DNAH11: variants seen among roughly 807,000 people sequenced by gnomAD.
DNAH11 encodes the protein dynein axonemal heavy chain 11.
In DNAH11, 442 loss-of-function variants were observed where a neutral mutation model predicts 526.0. The ratio of observed to expected loss-of-function variants is 0.84; its 90% confidence interval spans 0.78 to 0.91. The LOEUF is 0.91. Ranked by LOEUF, DNAH11 falls within the 40% of genes least tolerant of loss-of-function variation. The probability of loss-of-function intolerance (pLI) is 0.00; values close to 1 mark genes in which losing one functional copy is unlikely to be tolerated. For synonymous variants in DNAH11, 2,461 were observed against 1,935.9 expected (o/e 1.27, Z -7.12); for missense variants, 6,989 against 5,448.7 (o/e 1.28, Z -8.90).
chr7:21,682,345 T>A (rs1272740888), intron 31 of DNAH11, among the ~76,000 whole-genome samples: 4 of 151,856 alleles, frequency 2.6e-5, no homozygotes, highest in Admixed American at 2.0e-4. Flanking sequence ...GCTAACATGG[T>A]GAAACCCCGT....
intron 25 of DNAH11, among the ~76,000 whole-genome samples, chr7:21,634,165 A>T (rs1437902835): frequency 6.6e-6 from 1 of 152,228 alleles, no homozygotes; most frequent in Non-Finnish European, 1.5e-5. Flanking sequence ...TTATTGGTTT[A>T]TTCAGTGTGA....
At chr7:21,570,006 A>T in intron 6 of DNAH11, 63 bp from the exon 7 acceptor site, 1 of 1,288,242 alleles carries the variant, frequency 7.8e-7, no homozygotes, top group Admixed American at 2.9e-5. Flanking sequence ...TGAAACAGAG[A>T]CGGTTACAGG....
chr7:21,626,622 T>A (rs1786347979), intron 25 of DNAH11, among the ~76,000 whole-genome samples: 2 of 152,130 alleles, frequency 1.3e-5, no homozygotes, highest in African/African-American at 4.8e-5. Flanking sequence ...CATTTTTGCC[T>A]ATCTTTCTGG....
intron 55 of DNAH11, among the ~76,000 whole-genome samples, chr7:21,768,397 A>G (rs1489052478): frequency 6.6e-6 from 1 of 152,250 alleles, no homozygotes; most frequent in African/African-American, 2.4e-5. Flanking sequence ...AAAATGAATC[A>G]TAGACATCTT....
intron 49 of DNAH11, among the ~76,000 whole-genome samples, chr7:21,744,134 G>T (rs1346988406): frequency 1.3e-5 from 2 of 152,130 alleles, no homozygotes; most frequent in Non-Finnish European, 1.5e-5. Flanking sequence ...CTCTGGTTTT[G>T]TAAACTTAGT....
At chr7:21,731,376 C>A (rs533948444) in intron 45 of DNAH11, among the ~76,000 whole-genome samples, 1 of 151,958 alleles carries the variant, frequency 6.6e-6, no homozygotes, top group Non-Finnish European at 1.5e-5. Flanking sequence ...ATGATCATGG[C>A]CATGTTGTTC....
At chr7:21,760,397 T>A (rs1459609231) in intron 54 of DNAH11, among the ~76,000 whole-genome samples, 1 of 152,078 alleles carries the variant, frequency 6.6e-6, no homozygotes, top group Non-Finnish European at 1.5e-5. Flanking sequence ...CCTTGGAAGG[T>A]TTCTTTGGGG....
chr7:21,780,158 C>T (rs2063911861), intron 57 of DNAH11, among the ~76,000 whole-genome samples: 1 of 151,942 alleles, frequency 6.6e-6, no homozygotes, highest in Non-Finnish European at 1.5e-5. Context: ...GAAGATAAGG[C>T]ACATTTGGCA....
At chr7:21,553,970 C>A (rs1050458029) in intron 2 of DNAH11, among the ~76,000 whole-genome samples, 1 of 152,026 alleles carries the variant, frequency 6.6e-6, no homozygotes, top group African/African-American at 2.4e-5. Flanking sequence ...AAGGCCTTGC[C>A]CTACTGGGTC....
chr7:21,821,291 T>C (rs1487402969), intron 65 of DNAH11, among the ~76,000 whole-genome samples: 1 of 152,082 alleles, frequency 6.6e-6, no homozygotes, highest in Non-Finnish European at 1.5e-5. Flanking sequence ...TAAAAAGCAG[T>C]TGGATATCTG....
chr7:21,599,766 C>A, intron 14 of DNAH11, 21 bp from the exon 15 acceptor site: 1 of 1,490,390 alleles, frequency 6.7e-7, no homozygotes, highest in Non-Finnish European at 9.0e-7. Context: ...TATTCATCCA[C>A]TAATACTTGT....
At chr7:21,591,088 A>G (rs1784658998) in intron 13 of DNAH11, 66 bp downstream of exon 13, 1 of 1,381,076 alleles carries the variant, frequency 7.2e-7, no homozygotes. Context: ...TTGAATTTTA[A>G]TTATTATATA....
Position 21,596,496 on chromosome 7 carries a change from A to T in DNAH11, c.2668-3291A>T, listed in dbSNP as rs528064891. 3.0e-4 allele frequency among the ~76,000 whole-genome samples: 46 copies of T among 152,344 alleles called. No homozygotes were observed. The South Asian group carries it at 9.1e-3, about 30-fold the overall frequency. On this transcript the variant is annotated intron_variant, in intron 14 of 81. Coordinates refer to ENST00000409508, the MANE Select transcript of DNAH11 (RefSeq NM_001277115.2). Reference sequence around the variant, plus strand: ...GCTGTGAATTATTCTCTGACTTTTAAGACATCTCTACAACTGTTTATGTGT... The same window carrying T: ...GCTGTGAATTATTCTCTGACTTTTATGACATCTCTACAACTGTTTATGTGT...
intron 29 of DNAH11, among the ~76,000 whole-genome samples, chr7:21,658,434 G>C (rs974612520): frequency 1.3e-5 from 2 of 152,086 alleles, no homozygotes; most frequent in African/African-American, 4.8e-5. Flanking sequence ...GTGATGTTTG[G>C]CTTCTGAAAA....
chr7:21,884,192 C>T lies in DNAH11; in HGVS notation c.12388-99C>T, dbSNP rs182599814. 7.1e-5 allele frequency: 76 copies of T among 1,074,750 alleles called. 1 individual carries two copies. In the South Asian group the frequency reaches 9.8e-4, roughly 14 times the overall value. 66.6% of individuals were successfully genotyped at this position (1,074,750 alleles called of 1,614,324 possible). On this transcript the variant is annotated intron_variant, in intron 75 of 81. Coordinates refer to ENST00000409508, the MANE Select transcript of DNAH11 (RefSeq NM_001277115.2). ...CTTTAAATCCTCCTATTGACGGAGG[C>T]TTGGAGGGCATTGTGTTAGAGGGGC...
chr7:21,593,273 C>G (rs1039517287), intron 14 of DNAH11, among the ~76,000 whole-genome samples: 1 of 152,148 alleles, frequency 6.6e-6, no homozygotes, highest in Non-Finnish European at 1.5e-5. Context: ...GAGGCTAACC[C>G]TCAGATCTGG....
chr7:21,545,085 A>T lies in DNAH11; in HGVS notation c.431A>T (p.Gln144Leu). 1 of 1,609,170 alleles carries T rather than the reference A, an allele frequency of 6.2e-7. No individual in the cohort carries two copies. Among genetic ancestry groups the T allele is most frequent in the South Asian group, 1.1e-5 (1 of 89,966 alleles). Residue 144 changes from glutamine to leucine, a missense_variant, in exon 2 of 82, where the codon CAA (glutamine) becomes CTA (leucine). Gln to Leu is a moderately radical substitution (Grantham distance 113, BLOSUM62 -2). Transcript: ENST00000409508. ...AGCATTGGAGTAAATGACTTTTCTCAAGTGGTTTTATTTGGAGAGTTACCT... is the reference window on the plus strand; with the variant it reads ...AGCATTGGAGTAAATGACTTTTCTCTAGTGGTTTTATTTGGAGAGTTACCT... Reference protein sequence around the residue: ...TESIGVNDFSQVVLFGELPAL... With the variant: ...TESIGVNDFSLVVLFGELPAL...
At chr7:21,683,386 G>A (rs1783222756) in intron 31 of DNAH11, among the ~76,000 whole-genome samples, 1 of 152,176 alleles carries the variant, frequency 6.6e-6, no homozygotes, top group African/African-American at 2.4e-5. Context: ...GAACTTGGTT[G>A]AAAATGTAGT....
At chr7:21,569,723 A>G (rs1212823687) in intron 6 of DNAH11, among the ~76,000 whole-genome samples, 4 of 152,196 alleles carry the variant, frequency 2.6e-5, no homozygotes, top group Non-Finnish European at 5.9e-5. Context: ...TCTGCCTCGT[A>G]TATTCTTTAG....
Sources: allele counts gnomAD v4.1 joint callset (sites outside exome capture counted in the v4.1 genomes callset), GRCh38; gene constraint gnomAD v4.1.1; transcripts MANE v1.5; gene names NCBI Gene and HGNC (gene_info 2026-07-23, HGNC 2026-07-21).